The following IL20RA variants were observed in gnomAD, a reference collection of about 807,000 sequenced individuals.
The protein encoded by IL20RA is interleukin-20 receptor subunit alpha.
IL20RA carries 29 observed loss-of-function variants against 36.5 expected under a neutral mutation model. The ratio of observed to expected loss-of-function variants is 0.79; its 90% CI spans 0.59 to 1.08. The LOEUF is 1.08. IL20RA is among the 50% of genes least tolerant of loss of function. The pLI is 0.00. For missense variants in IL20RA, 652 were observed against 668.4 expected (o/e 0.98, Z 0.27); for synonymous variants, 279 against 267.1 (o/e 1.04, Z -0.43).
intron 5 of IL20RA, among the ~76,000 whole-genome samples, chr6:137,005,951 T>C (rs1775262629): frequency 6.6e-6 from 1 of 152,184 alleles, no homozygotes; most frequent in Non-Finnish European, 1.5e-5. Context: ...TCTAAACAAA[T>C]AAATATATCG....
Position 137,031,005 on chromosome 6 carries a change from C to T in IL20RA, c.88+13636G>A, listed in dbSNP as rs184668974. Among the ~76,000 whole-genome samples, 369 of 152,306 alleles carry T rather than the reference C, an allele frequency of 2.4e-3. 2 individuals carry two copies. Among genetic ancestry groups the T allele is most frequent in the African/African-American group, 8.4e-3 (348 of 41,552 alleles). Reference sequence around the variant, plus strand: ...TCCCAGCCACCCATCTCAACAGTTACTATTCATTGTAAATATTTACTGTTC... The same window carrying T: ...TCCCAGCCACCCATCTCAACAGTTATTATTCATTGTAAATATTTACTGTTC... On this transcript the variant is annotated intron_variant, in intron 1 of 6. Transcript: ENST00000316649.
intron 1 of IL20RA, among the ~76,000 whole-genome samples, chr6:137,039,555 T>A (rs1776608516): frequency 6.6e-6 from 1 of 152,166 alleles, no homozygotes; most frequent in Non-Finnish European, 1.5e-5. Flanking sequence ...ACATATTTGC[T>A]CATCGGTGCA....
intron 3 of IL20RA, among the ~76,000 whole-genome samples, chr6:137,011,062 C>T (rs567335744): frequency 6.6e-6 from 1 of 151,966 alleles, no homozygotes; most frequent in Non-Finnish European, 1.5e-5. Flanking sequence ...ATAATGAGGC[C>T]CTGTCTCTAC....
In IL20RA at chr6:137,008,713, C is replaced by A; in HGVS notation, c.610G>T (p.Val204Leu). The change falls in exon 5 of 7, where the codon GTG (valine) becomes TTG (leucine). Residue 204 changes from valine (V) to leucine (L), a missense_variant. Coordinates refer to ENST00000316649, the MANE Select transcript of IL20RA (RefSeq NM_014432.4). ...GTGTTCGGCTCCAGCCAGGTGAGCA[C>A]CAGCGTGTGGTTGGTCACACACTGG... ...WSQCVTNHTL[V>L]LTWLEPNTLY... The A allele has an allele frequency of 6.2e-7, 1 of 1,604,884 alleles. No homozygotes were observed. The highest frequency in any genetic ancestry group is 8.5e-7 in the Non-Finnish European group (1 of 1,175,728).
intron 1 of IL20RA, among the ~76,000 whole-genome samples, chr6:137,020,806 G>C (rs1441522687): frequency 6.6e-6 from 1 of 152,094 alleles, no homozygotes; most frequent in Non-Finnish European, 1.5e-5. Flanking sequence ...CTGCATCTGG[G>C]GAAAAAATAC....
At chr6:137,010,300 C>T (rs754989649) in intron 3 of IL20RA, among the ~76,000 whole-genome samples, 6 of 152,150 alleles carry the variant, frequency 3.9e-5, no homozygotes, top group East Asian at 3.8e-4. Flanking sequence ...TGCTGTATTG[C>T]GAAAGCAATC....
intron 1 of IL20RA, chr6:137,043,001 G>A (rs1554216605): frequency 6.6e-6 from 1 of 152,192 alleles, no homozygotes; most frequent in Non-Finnish European, 1.5e-5. Context: ...TCTTGGGTCA[G>A]AAAAGATTTC....
intron 1 of IL20RA, among the ~76,000 whole-genome samples, chr6:137,029,025 G>A (rs1442284882): frequency 6.6e-6 from 1 of 152,178 alleles, no homozygotes; most frequent in Non-Finnish European, 1.5e-5. Flanking sequence ...TCTGATCAGT[G>A]CGTGCCAAGC....
intron 5 of IL20RA, among the ~76,000 whole-genome samples, chr6:137,005,455 A>G (rs1775245366): frequency 6.6e-6 from 1 of 152,150 alleles, no homozygotes; most frequent in Non-Finnish European, 1.5e-5. Context: ...GTTTTAATAA[A>G]AGCAGCCCTG....
intron 1 of IL20RA, among the ~76,000 whole-genome samples, chr6:137,035,969 T>G (rs1322288728): frequency 6.6e-6 from 1 of 152,196 alleles, no homozygotes; most frequent in Non-Finnish European, 1.5e-5. Context: ...TCAGGGCAAG[T>G]GCTCCCTAGA....
At chr6:137,040,254 G>C (rs1038170318) in intron 1 of IL20RA, among the ~76,000 whole-genome samples, 11 of 151,966 alleles carry the variant, frequency 7.2e-5, no homozygotes, top group Admixed American at 2.0e-4. Flanking sequence ...ACAAACTCAC[G>C]GTCTTAAATA....
At chr6:137,003,271 T>A (rs1381645736) in intron 6 of IL20RA, among the ~76,000 whole-genome samples, 1 of 152,174 alleles carries the variant, frequency 6.6e-6, no homozygotes, top group African/African-American at 2.4e-5. Context: ...TAAACTGAAC[T>A]AACAGGAAAC....
chr6:137,022,432 T>C (rs1775937177), intron 1 of IL20RA, among the ~76,000 whole-genome samples: 1 of 152,226 alleles, frequency 6.6e-6, no homozygotes, highest in Non-Finnish European at 1.5e-5. Flanking sequence ...GTTAAATTTA[T>C]AGATATGGAC....
intron 5 of IL20RA, among the ~76,000 whole-genome samples, chr6:137,007,678 C>T (rs941397548): frequency 7.2e-5 from 11 of 152,084 alleles, no homozygotes; most frequent in African/African-American, 1.7e-4. Context: ...TCTCCAATCA[C>T]GGTTCCTTGG....
intron 1 of IL20RA, among the ~76,000 whole-genome samples, chr6:137,020,319 G>T (rs553149561): frequency 1.3e-5 from 2 of 152,296 alleles, no homozygotes; most frequent in East Asian, 3.9e-4. Context: ...AAGACCTTCA[G>T]CCAAAACCAC....
rs570881362 is a variant in IL20RA, at chr6:137,031,101, G to A, written c.88+13540C>T. Among the ~76,000 whole-genome samples the A allele has an allele frequency of 3.9e-5, 6 of 152,236 alleles. No homozygotes were observed. In the South Asian group the frequency reaches 6.2e-4, roughly 16 times the overall value. On this transcript the variant is annotated intron_variant, in intron 1 of 6. Coordinates refer to ENST00000316649, the MANE Select transcript of IL20RA (RefSeq NM_014432.4). ...TATTATCAGTAATAAACATTGCCACGAATTACTTATCTGTGGGAAGCAGGC... is the reference window on the plus strand; with the variant it reads ...TATTATCAGTAATAAACATTGCCACAAATTACTTATCTGTGGGAAGCAGGC...
In IL20RA at chr6:137,001,494, C is replaced by A; in HGVS notation, c.*64G>T. 7.0e-7 allele frequency: 1 copy of A among 1,430,068 alleles called. No homozygotes were observed. The highest frequency in any genetic ancestry group is 9.4e-7 in the Non-Finnish European group (1 of 1,063,912). The allele number at this position is 1,430,068 out of a possible 1,614,324, so 88.6% of individuals were successfully genotyped here. On this transcript the variant is annotated 3_prime_UTR_variant, in exon 7 of 7. Transcript: ENST00000316649. ...TTCTTTCATCCCAGGTACTTTATGG[C>A]TGGGATCAAAGGGGTGACTCACTTG...
intron 1 of IL20RA, among the ~76,000 whole-genome samples, chr6:137,025,004 C>T (rs753064614): frequency 1.6e-4 from 24 of 152,336 alleles, no homozygotes; most frequent in Middle Eastern, 3.4e-3. Context: ...TCTGCCTTCA[C>T]AAAGTTGTGA....
chr6:137,028,414 T>TAAAAAAAAAAA (rs36068116), intron 1 of IL20RA, among the ~76,000 whole-genome samples: 1 of 117,286 alleles, frequency 8.5e-6, no homozygotes, highest in Non-Finnish European at 1.8e-5. Flanking sequence ...AGACTCCATC[T>TAAAAAAAAAAA]AAAAAAAAAA....
Sources: allele counts gnomAD v4.1 joint callset (sites outside exome capture counted in the v4.1 genomes callset), GRCh38; gene constraint gnomAD v4.1.1; transcripts MANE v1.5; gene names NCBI Gene and HGNC (gene_info 2026-07-23, HGNC 2026-07-21).